TNRC6C: variants seen among roughly 807,000 people sequenced by gnomAD.
TNRC6C encodes the protein trinucleotide repeat containing adaptor 6C, also known as trinucleotide repeat-containing gene 6C protein.
A neutral mutation model predicts 153.7 loss-of-function variants in TNRC6C; 20 were observed. The ratio of observed to expected loss-of-function variants is 0.13; its 90% CI spans 0.09 to 0.19. TNRC6C has a LOEUF of 0.19. Ranked by LOEUF, TNRC6C falls within the 10% of genes least tolerant of loss-of-function variation. The pLI is 1.00. For missense variants in TNRC6C, 1,987 were observed against 2,172.0 expected (o/e 0.91, Z 1.69); for synonymous variants, 811 against 841.4 (o/e 0.96, Z 0.63).
At chr17:78,048,660 T>C (rs1023580789) in intron 2 of TNRC6C, among the ~76,000 whole-genome samples, 185 bp from the exon 5 acceptor site, 3 of 152,232 alleles carry the variant, frequency 2.0e-5, no homozygotes, top group Non-Finnish European at 4.4e-5. Context: ...TTAAAAACAT[T>C]AACGCTCTTT....
chr17:77,980,303 G>A (rs1043663575), intron 1 of TNRC6C, among the ~76,000 whole-genome samples: 1 of 152,152 alleles, frequency 6.6e-6, no homozygotes, highest in African/African-American at 2.4e-5. Flanking sequence ...ATAATAAATG[G>A]CAACAGCAAC....
chr17:77,958,912 G>A (rs970027314), upstream of TNRC6C, among the ~76,000 whole-genome samples: 2 of 146,824 alleles, frequency 1.4e-5, no homozygotes, highest in African/African-American at 4.9e-5. Flanking sequence ...GGCGGAGGGA[G>A]CGGAGCGGCC....
upstream of TNRC6C, among the ~76,000 whole-genome samples, chr17:77,999,762 G>C (rs1410903259): frequency 1.3e-5 from 2 of 152,172 alleles, no homozygotes; most frequent in South Asian, 2.1e-4. Context: ...TGGTATCCAG[G>C]CTTCCTCAGG....
At chr17:77,999,907 A>G (rs1475908703), upstream of TNRC6C, among the ~76,000 whole-genome samples, 1 of 152,212 alleles carries the variant, frequency 6.6e-6, no homozygotes, top group Non-Finnish European at 1.5e-5. Context: ...CCAGGGAGTG[A>G]CAACATACAC....
chr17:77,968,877 C>T (rs540516008), intron 1 of TNRC6C, among the ~76,000 whole-genome samples: 29 of 152,312 alleles, frequency 1.9e-4, no homozygotes, highest in African/African-American at 6.0e-4. Flanking sequence ...AACCTTTCCC[C>T]CCTGTTTTCC....
At chr17:78,071,052 A>T in intron 5 of TNRC6C, 33 bp from the exon 8 acceptor site, 1 of 1,570,648 alleles carries the variant, frequency 6.4e-7, no homozygotes, top group Non-Finnish European at 8.7e-7. Context: ...AATGTAGCTC[A>T]TGGACTTCCC....
At chr17:78,087,765 T>C (rs2073323211) in intron 13 of TNRC6C, among the ~76,000 whole-genome samples, 1 of 152,182 alleles carries the variant, frequency 6.6e-6, no homozygotes, top group Non-Finnish European at 1.5e-5. Context: ...AATCAACATA[T>C]ATATGTTGAA....
At chr17:77,963,157 T>G (rs1179060354) in intron 1 of TNRC6C, among the ~76,000 whole-genome samples, 2 of 152,238 alleles carry the variant, frequency 1.3e-5, no homozygotes, top group African/African-American at 4.8e-5. Flanking sequence ...AATTTTCAGC[T>G]TATACATAAC....
At chr17:78,091,386 A>C in intron 13 of TNRC6C, 54 bp from the exon 16 acceptor site, 1 of 1,480,200 alleles carries the variant, frequency 6.8e-7, no homozygotes, top group Non-Finnish European at 9.0e-7. Flanking sequence ...GGAGAGCTTT[A>C]GAATGAAGTC....
At chr17:78,046,969 A>G (rs1483445314) in intron 2 of TNRC6C, among the ~76,000 whole-genome samples, 1 of 152,106 alleles carries the variant, frequency 6.6e-6, no homozygotes, top group Non-Finnish European at 1.5e-5. Context: ...GAATGGAACC[A>G]ATAATACTGT....
At chr17:78,008,576 C>T (rs1185586549) in intron 1 of TNRC6C, 2 of 152,114 alleles carry the variant, frequency 1.3e-5, no homozygotes, top group Admixed American at 1.3e-4. Context: ...CCTTGATTTT[C>T]CTCTATGCCT....
intron 3 of TNRC6C, among the ~76,000 whole-genome samples, chr17:78,055,325 G>A (rs190088526): frequency 1.2e-4 from 19 of 152,186 alleles, no homozygotes; most frequent in South Asian, 6.2e-4. Context: ...ACCTCCACAC[G>A]TTGTCCCATT....
upstream of TNRC6C, among the ~76,000 whole-genome samples, chr17:78,002,656 G>T (rs2071430906): frequency 1.3e-5 from 2 of 152,192 alleles, no homozygotes; most frequent in South Asian, 4.1e-4. Flanking sequence ...ACTTTGGGAG[G>T]CTGAGGTGGG....
chr17:78,031,394 T>C (rs950197270), intron 1 of TNRC6C, 122 bp from the exon 4 acceptor site: 1 of 694,986 alleles, frequency 1.4e-6, no homozygotes. Flanking sequence ...AGTCCAGTTC[T>C]GTTTCCAAAG....
chr17:78,049,408 G>A lies in TNRC6C; in HGVS notation c.346G>A (p.Gly116Arg), dbSNP rs2072473818. 2.5e-6 allele frequency: 4 copies of A among 1,614,004 alleles called. No individual in the cohort carries two copies. Among genetic ancestry groups the A allele is most frequent in the Non-Finnish European group, 3.4e-6 (4 of 1,179,866 alleles). Residue 116 changes from glycine (G) to arginine (R), a missense_variant, in exon 3 of 20, where the codon GGA (glycine) becomes AGA (arginine). Physicochemically the swap from Gly to Arg is moderately radical, Grantham distance 125. Transcript: ENST00000301624. The surrounding 1 kb of genome is among the most constrained non-coding windows in gnomAD (Gnocchi z 4.1). Reference sequence around the variant, plus strand: ...TGCCTGGCCTGTACTTGGACATGAAGGAACCGTGGCGACAGGCAACCCTTC... The same window carrying A: ...TGCCTGGCCTGTACTTGGACATGAAAGAACCGTGGCGACAGGCAACCCTTC...
chr17:78,086,486 C>G lies in TNRC6C; in HGVS notation c.3478-17C>G. 2 of 1,610,820 alleles carry G rather than the reference C, an allele frequency of 1.2e-6. No homozygotes were observed. ...ACTTAATTATCATACTATTTTAACT[C>G]TTCGTTCTGTCAACAGGCATACCAA... is the stretch of plus-strand genomic sequence containing the variant. On this transcript the variant is annotated splice_polypyrimidine_tract_variant and intron_variant, in intron 11 of 19. Coordinates refer to ENST00000301624, the Ensembl canonical transcript of TNRC6C.
chr17:77,980,278 ATT>A lies in TNRC6C; in HGVS notation c.-38+21014_-38+21015del, dbSNP rs568833767. 1.4e-3 allele frequency among the ~76,000 whole-genome samples: 213 copies of A among 152,356 alleles called. 1 individual carries two copies. Among genetic ancestry groups the A allele is most frequent in the African/African-American group, 4.9e-3 (203 of 41,578 alleles). On this transcript the variant is annotated intron_variant, in intron 1 of 22. Transcript: ENST00000636222. ...CTGCGCATGTACCTGGAACTTAAAAATTTTTAAAGTAAAAATAATAAATGGCA... is the reference window on the plus strand; with the variant it reads ...CTGCGCATGTACCTGGAACTTAAAAATTTAAAGTAAAAATAATAAATGGCA...
At chr17:77,966,457 A>G (rs1021559232) in intron 1 of TNRC6C, among the ~76,000 whole-genome samples, 1 of 152,254 alleles carries the variant, frequency 6.6e-6, no homozygotes, top group Non-Finnish European at 1.5e-5. Flanking sequence ...AAAATAATAC[A>G]AAATGATTGA....
At position 77,984,554 on chromosome 17, in the gene TNRC6C, C is replaced by T. The variant is rs1176056812; in HGVS notation, c.-37-19616C>T. ...GTAGGGGGTATCTCTCCACTCCCTC[C>T]TTCAGTGCGTGTGCTTTTGGTGCAG... is the stretch of plus-strand genomic sequence containing the variant. On this transcript the variant is annotated intron_variant, in intron 1 of 22. Coordinates refer to the TNRC6C transcript ENST00000636222. Among the ~76,000 whole-genome samples the T allele has an allele frequency of 2.0e-5, 3 of 152,162 alleles. No individual in the cohort carries two copies. In the East Asian group the frequency reaches 5.8e-4, roughly 29 times the overall value.
Sources: gnomAD v4.1 joint callset for allele counts (sites outside exome capture counted in the v4.1 genomes callset) on GRCh38, gnomAD v4.1.1 for gene constraint, Gnocchi (gnomAD v3.1) non-coding constraint, MANE v1.5 for transcripts, NCBI Gene and HGNC (gene_info 2026-07-23, HGNC 2026-07-21) for gene names.